UNC79: variants seen among roughly 807,000 people sequenced by gnomAD.
The protein encoded by UNC79 is unc-79 subunit of NALCN channel complex, also known as protein unc-79 homolog.
Under a neutral mutation model 283.1 loss-of-function variants are expected in UNC79, and 37 were observed. That is an observed-to-expected ratio of 0.13 (90% CI 0.10 to 0.17). The LOEUF is 0.17. UNC79 is among the 10% of genes least tolerant of loss of function. The pLI, the probability that UNC79 is intolerant of heterozygous loss-of-function variation, is 1.00. For missense variants in UNC79, 2,272 were observed against 3,211.1 expected, an observed-to-expected ratio of 0.71 and a Z score of 7.07; for synonymous variants, 1,107 against 1,200.2, an observed-to-expected ratio of 0.92 and a Z score of 1.61.
In UNC79 at chr14:93,511,807, GA is replaced by G. The variant is rs570469178; in HGVS notation, c.899-12170del. 5.2e-4 allele frequency among the ~76,000 whole-genome samples: 79 copies of G among 152,250 alleles called. 1 individual carries two copies. In the South Asian group the frequency reaches 7.7e-3, roughly 15 times the overall value. On this transcript the variant is annotated intron_variant, in intron 7 of 48. Coordinates refer to ENST00000555664, the Ensembl canonical transcript of UNC79. Reference sequence around the variant, plus strand: ...ACAAATAAACAAAAAACAGAAAAATGATAAAAGTTGTGTTCTGTATGTATCA... The same window carrying G: ...ACAAATAAACAAAAAACAGAAAAATGTAAAAGTTGTGTTCTGTATGTATCA...
At chr14:93,706,965 A>G (rs2075920933), downstream of UNC79, 1 of 1,581,356 alleles carries the variant, frequency 6.3e-7, no homozygotes, top group Non-Finnish European at 8.7e-7. Context: ...TTAAAAACAA[A>G]CAATTTGATC....
At chr14:93,605,578 G>A (rs1287520297) in intron 26 of UNC79, among the ~76,000 whole-genome samples, 2 of 152,130 alleles carry the variant, frequency 1.3e-5, no homozygotes, top group Admixed American at 1.3e-4. Flanking sequence ...TGACTCACTG[G>A]GAAGATTGTG....
intron 1 of UNC79, among the ~76,000 whole-genome samples, chr14:93,453,162 A>G (rs1167706883): frequency 6.6e-6 from 1 of 152,238 alleles, no homozygotes; most frequent in African/African-American, 2.4e-5. Context: ...GGTGCTGGCT[A>G]TGATGCATCT....
intron 1 of UNC79, among the ~76,000 whole-genome samples, chr14:93,368,627 C>T (rs997796405): frequency 2.6e-5 from 4 of 152,030 alleles, no homozygotes; most frequent in Non-Finnish European, 5.9e-5. Context: ...CATGCCACCA[C>T]ACCCAGCTAA....
At chr14:93,351,148 G>A (rs1029215059) in intron 1 of UNC79, among the ~76,000 whole-genome samples, 2 of 152,232 alleles carry the variant, frequency 1.3e-5, no homozygotes, top group African/African-American at 4.8e-5. Context: ...ACTGCAGGAA[G>A]TTTTCTTTGC....
intron 7 of UNC79, among the ~76,000 whole-genome samples, chr14:93,499,837 C>A (rs2059195978): frequency 1.3e-5 from 2 of 151,908 alleles, no homozygotes; most frequent in African/African-American, 2.4e-5. Context: ...TAAGCTGATA[C>A]CTGAAGGATA....
chr14:93,682,597 TC>T lies in UNC79; in HGVS notation c.6742-18del. 6.2e-7 allele frequency: 1 copy of T among 1,605,968 alleles called. No individual in the cohort carries two copies. The highest frequency in any genetic ancestry group is 8.5e-7 in the Non-Finnish European group (1 of 1,173,610). ...GTCCAGATACCCTTAAAAATAATTA[TC>T]CTTTCACTTTTTTATTAGTTTATTT... On this transcript the variant is annotated intron_variant, in intron 41 of 48. Transcript: ENST00000555664.
intron 22 of UNC79, among the ~76,000 whole-genome samples, chr14:93,591,231 T>TG (rs1168287882): frequency 6.6e-6 from 1 of 152,130 alleles, no homozygotes; most frequent in Non-Finnish European, 1.5e-5. Flanking sequence ...CTCTGTAAAA[T>TG]GGAGATGGCA....
chr14:93,555,565 G>A (rs8012763), intron 14 of UNC79, among the ~76,000 whole-genome samples: 46,229 of 151,842 alleles, frequency 0.3, 7,647 homozygotes, highest in East Asian at 0.69. Context: ...CACCATGCCC[G>A]GCTAATTTTT....
chr14:93,484,164 A>G (rs1328059814), intron 4 of UNC79, among the ~76,000 whole-genome samples: 1 of 152,160 alleles, frequency 6.6e-6, no homozygotes, highest in African/African-American at 2.4e-5. Context: ...AAGTGTTCCT[A>G]TTTCTCCACA....
intron 1 of UNC79, chr14:93,334,553 T>G (rs565257132): frequency 1.3e-5 from 2 of 152,358 alleles, no homozygotes; most frequent in Admixed American, 6.5e-5. Context: ...TTCCACACTT[T>G]TATACTTCCC....
At chr14:93,438,514 A>G (rs1185615001) in intron 1 of UNC79, among the ~76,000 whole-genome samples, 1 of 152,156 alleles carries the variant, frequency 6.6e-6, no homozygotes, top group African/African-American at 2.4e-5. Context: ...CAGGGAGCCA[A>G]CAATTGCTCC....
intron 31 of UNC79, chr14:93,634,586 C>T (rs538898371): frequency 1.5e-5 from 25 of 1,614,018 alleles, no homozygotes; most frequent in Non-Finnish European, 2.0e-5. Flanking sequence ...AATGAAGCGG[C>T]AGCTGGAGCA....
chr14:93,492,438 CT>C (rs1351257017), intron 5 of UNC79, among the ~76,000 whole-genome samples: 5 of 152,218 alleles, frequency 3.3e-5, no homozygotes, highest in Admixed American at 3.3e-4. Flanking sequence ...ACTGCAACCT[CT>C]GCCTCCTGGG....
At chr14:93,642,444 A>AAG (rs398039186) in intron 33 of UNC79, among the ~76,000 whole-genome samples, 4 of 146,398 alleles carry the variant, frequency 2.7e-5, no homozygotes, top group African/African-American at 1.0e-4. Flanking sequence ...AAAAAAAAAA[A>AAG]GTGAGGAAGG....
Position 93,621,302 on chromosome 14 carries a change from G to C in UNC79, c.4388-319G>C, listed in dbSNP as rs1255361681. Among the ~76,000 whole-genome samples, 13 of 152,100 alleles carry C rather than the reference G, an allele frequency of 8.5e-5. No individual in the cohort carries two copies. Among genetic ancestry groups the C allele is most frequent in the Admixed American group, 8.5e-4 (13 of 15,262 alleles). On this transcript the variant is annotated intron_variant, in intron 29 of 48. Transcript: ENST00000555664. This position sits in a 1 kb window ranked among gnomAD's most constrained non-coding sequence, Gnocchi z 4.8. ...TGTTTGCTTCTCTTCCACACGATTT[G>C]AATACAGTTTCCTAGATCTGCCTCA...
At chr14:93,584,102 G>A (rs548029682) in intron 20 of UNC79, among the ~76,000 whole-genome samples, 159 of 152,162 alleles carry the variant, frequency 1.0e-3, no homozygotes, top group South Asian at 5.4e-3. Context: ...CACCACACCC[G>A]GCCATATGTT....
At position 93,448,283 on chromosome 14, in the gene UNC79, C is replaced by T. The variant is rs76014236; in HGVS notation, c.22+17232C>T. ...TTTCCTCTGTCATGACCATTTCTAA[C>T]GGCTGTAAGTTCATTCAGTTAATTT... On this transcript the variant is annotated intron_variant, in intron 1 of 48. Coordinates refer to ENST00000555664, the Ensembl canonical transcript of UNC79. Among the ~76,000 whole-genome samples the T allele has an allele frequency of 9.6e-3, 1,450 of 151,490 alleles. 26 individuals carry two copies. The highest frequency in any genetic ancestry group is 0.033 in the African/African-American group (1,369 of 41,236).
Position 93,699,437 on chromosome 14 carries a change from G to C in UNC79, c.7548+5025G>C, listed in dbSNP as rs558302487. Among the ~76,000 whole-genome samples the C allele has an allele frequency of 3.9e-5, 6 of 152,204 alleles. No homozygotes were observed. The South Asian group carries it at 1.2e-3, about 32-fold the overall frequency. On this transcript the variant is annotated intron_variant, in intron 47 of 48. Transcript: ENST00000555664. ...GTGCTCTAAATTTCCTTTCAATACT[G>C]TTTTAGCTGCTTTCCCCCAGATTTT...
Sources: allele counts gnomAD v4.1 joint callset (sites outside exome capture counted in the v4.1 genomes callset), GRCh38; gene constraint gnomAD v4.1.1; non-coding constraint Gnocchi (gnomAD v3.1); transcripts MANE v1.5; gene names NCBI Gene and HGNC (gene_info 2026-07-23, HGNC 2026-07-21).